MTA3: variants seen among roughly 807,000 people sequenced by gnomAD.
MTA3 encodes metastasis associated 1 family member 3.
A neutral mutation model predicts 83.5 loss-of-function variants in MTA3; 34 were observed. The ratio of observed to expected loss-of-function variants is 0.41; its 90% confidence interval spans 0.31 to 0.54. MTA3 has a LOEUF of 0.54. MTA3 is among the 20% of genes least tolerant of loss of function. The pLI is 0.33. For synonymous variants in MTA3, 303 were observed against 252.7 expected, an observed-to-expected ratio of 1.20 and a Z score of -1.89; for missense variants, 761 against 726.4, an observed-to-expected ratio of 1.05 and a Z score of -0.55.
intron 16 of MTA3, among the ~76,000 whole-genome samples, chr2:42,723,937 T>C (rs1667617090): frequency 6.6e-6 from 1 of 152,200 alleles, no homozygotes; most frequent in African/African-American, 2.4e-5. Flanking sequence ...ATGTCAAAAA[T>C]GTGTAAAACA....
intron 8 of MTA3, among the ~76,000 whole-genome samples, chr2:42,662,984 C>G (rs950291294): frequency 1.5e-5 from 1 of 67,756 alleles, no homozygotes; most frequent in Admixed American, 1.8e-4. Context: ...CCACTTCGGC[C>G]TCCCAGAGTT....
At chr2:42,742,877 G>A (rs1271710253) in intron 16 of MTA3, among the ~76,000 whole-genome samples, 1 of 152,074 alleles carries the variant, frequency 6.6e-6, no homozygotes, top group East Asian at 1.9e-4. Flanking sequence ...TATGACTTAT[G>A]GATTTGCTTG....
chr2:42,524,464 C>A, intron 2 of MTA3, among the ~76,000 whole-genome samples: 1 of 138,538 alleles, frequency 7.2e-6, no homozygotes, highest in East Asian at 2.1e-4. Context: ...CCACGCCTGG[C>A]TAGTTGTGTT....
chr2:42,569,975 T>C (rs917969178), intron 1 of MTA3: 1 of 151,082 alleles, frequency 6.6e-6, no homozygotes, highest in African/African-American at 2.4e-5. Flanking sequence ...TTTTTTTAAG[T>C]AGTGATTGAA....
In MTA3 at chr2:42,704,193, G is replaced by T; in HGVS notation, c.1026-1G>T. Reference sequence around the variant, plus strand: ...TCACCTTATTTTAATTTCATTGAAAGCAGCAAACCAAATCCCAACCAAATA... The same window carrying T: ...TCACCTTATTTTAATTTCATTGAAATCAGCAAACCAAATCCCAACCAAATA... On this transcript the variant is annotated splice_acceptor_variant, in intron 11 of 16. Coordinates refer to ENST00000405094, the MANE Select transcript of MTA3 (RefSeq NM_001330442.2). LOFTEE classifies it high-confidence loss of function. 1.2e-6 allele frequency: 2 copies of T among 1,613,464 alleles called. No homozygotes were observed. The highest frequency in any genetic ancestry group is 1.7e-6 in the Non-Finnish European group (2 of 1,179,640).
intron 10 of MTA3, among the ~76,000 whole-genome samples, chr2:42,696,241 GA>G (rs1244839889): frequency 3.9e-5 from 6 of 152,136 alleles, no homozygotes; most frequent in Admixed American, 3.9e-4. Context: ...AAGATCTTCT[GA>G]AACCTCTTTA....
chr2:42,643,384 T>A (rs951362462), intron 5 of MTA3, among the ~76,000 whole-genome samples: 1 of 152,178 alleles, frequency 6.6e-6, no homozygotes, highest in African/African-American at 2.4e-5. Context: ...CTAGTGGTTA[T>A]ACGGAATTCA....
intron 2 of MTA3, among the ~76,000 whole-genome samples, chr2:42,503,273 T>G (rs1309988246): frequency 6.6e-6 from 1 of 152,226 alleles, no homozygotes; most frequent in Non-Finnish European, 1.5e-5. Flanking sequence ...GCCATGGCAT[T>G]TGCAAACTGT....
At chr2:42,749,969 T>C (rs1236749481) in intron 16 of MTA3, among the ~76,000 whole-genome samples, 1 of 152,128 alleles carries the variant, frequency 6.6e-6, no homozygotes, top group Admixed American at 6.5e-5. Flanking sequence ...AGGATATTAA[T>C]GATAGTGGCT....
At chr2:42,547,465 G>A (rs1252145884) in intron 2 of MTA3, among the ~76,000 whole-genome samples, 1 of 152,234 alleles carries the variant, frequency 6.6e-6, no homozygotes, top group Admixed American at 6.5e-5. Flanking sequence ...GTAGTAGCTG[G>A]GATTACAGGC....
At chr2:42,515,797 G>A (rs766276345) in intron 2 of MTA3, among the ~76,000 whole-genome samples, 1 of 151,178 alleles carries the variant, frequency 6.6e-6, no homozygotes, top group Non-Finnish European at 1.5e-5. Flanking sequence ...ACCGTGCCCA[G>A]TCGTTTCAGT....
intron 3 of MTA3, among the ~76,000 whole-genome samples, chr2:42,583,140 T>G (rs1573056114): frequency 1.3e-5 from 2 of 152,242 alleles, no homozygotes; most frequent in African/African-American, 4.8e-5. Flanking sequence ...CAACTCATAA[T>G]GGGTGTGTAG....
chr2:42,586,616 A>G (rs1171099643), intron 3 of MTA3, among the ~76,000 whole-genome samples: 1 of 129,910 alleles, frequency 7.7e-6, no homozygotes, highest in Non-Finnish European at 1.6e-5. Context: ...ACACACACAC[A>G]TCGTTGGCTG....
At chr2:42,643,730 G>T in intron 5 of MTA3, among the ~76,000 whole-genome samples, 1 of 152,168 alleles carries the variant, frequency 6.6e-6, no homozygotes, top group East Asian at 1.9e-4. Flanking sequence ...AGAGTACCTG[G>T]TATCTGTGAA....
intron 14 of MTA3, among the ~76,000 whole-genome samples, chr2:42,712,313 T>G (rs79566504): frequency 6.6e-6 from 1 of 151,982 alleles, no homozygotes; most frequent in Non-Finnish European, 1.5e-5. Flanking sequence ...TTTTTTTTTT[T>G]AAGAGACGGT....
intron 3 of MTA3, among the ~76,000 whole-genome samples, chr2:42,593,806 C>T (rs1681333523): frequency 1.3e-5 from 2 of 152,022 alleles, no homozygotes; most frequent in Non-Finnish European, 2.9e-5. Context: ...TAGCAAGACC[C>T]CATCTCTATA....
intron 6 of MTA3, among the ~76,000 whole-genome samples, chr2:42,655,185 C>G (rs1439389668): frequency 6.6e-6 from 1 of 152,212 alleles, no homozygotes; most frequent in Non-Finnish European, 1.5e-5. Context: ...GCTCTTGTCA[C>G]TCCCTTACCA....
Position 42,755,779 on chromosome 2 carries a change from G to C in MTA3, c.*2380G>C. ...GTCAGTGGCATGTCACTGTGGTTCA[G>C]TGAGCACATGGGTGGACGTGCAGAG... is the stretch of plus-strand genomic sequence containing the variant. On this transcript the variant is annotated 3_prime_UTR_variant, in exon 17 of 17. Coordinates refer to ENST00000405094, the MANE Select transcript of MTA3 (RefSeq NM_001330442.2). 1.0e-6 allele frequency: 1 copy of C among 985,576 alleles called. No individual in the cohort carries two copies. The highest frequency in any genetic ancestry group is 1.2e-6 in the Non-Finnish European group (1 of 830,038). The allele number at this position is 985,576 out of a possible 1,614,324, so 61.1% of individuals were successfully genotyped here. A position where few individuals can be genotyped will look rare whatever the true frequency, so the allele number is the denominator to read the frequency against.
Position 42,704,207 on chromosome 2 carries a change from C to T in MTA3, c.1039C>T (p.Pro347Ser), listed in dbSNP as rs1384514703. 1.9e-6 allele frequency: 3 copies of T among 1,613,838 alleles called. No homozygotes were observed. The highest frequency in any genetic ancestry group is 2.5e-6 in the Non-Finnish European group (3 of 1,179,800). ...VYIPTYSKPN[P>S]NQISTSNGKP... The stretch of plus-strand genomic sequence containing the variant: ...TTTCATTGAAAGCAGCAAACCAAAT[C>T]CCAACCAAATATCCACTAGTAATGG... The change falls in exon 12 of 17, where the codon CCC becomes TCC. Residue 347 changes from proline (P) to serine (S), a missense_variant. Physicochemically the swap from Pro to Ser is moderately conservative, Grantham distance 74. Coordinates refer to ENST00000405094, the MANE Select transcript of MTA3 (RefSeq NM_001330442.2).
Sources: gnomAD v4.1 joint callset for allele counts (sites outside exome capture counted in the v4.1 genomes callset) on GRCh38, gnomAD v4.1.1 for gene constraint, MANE v1.5 for transcripts, NCBI Gene and HGNC (gene_info 2026-07-23, HGNC 2026-07-21) for gene names.